The following GPC5 variants were observed in gnomAD, a reference collection of about 807,000 sequenced individuals.
GPC5 encodes glypican 5, also known as glypican-5.
Under a neutral mutation model 53.9 loss-of-function variants are expected in GPC5, and 47 were observed. That is an observed-to-expected ratio of 0.87 (90% confidence interval 0.69 to 1.11). GPC5 has a LOEUF of 1.11. Ranked by LOEUF, GPC5 falls within the 50% of genes most tolerant of loss-of-function variation. The pLI is 0.00. For synonymous variants in GPC5, 286 were observed against 263.3 expected, an observed-to-expected ratio of 1.09 and a Z score of -0.84; for missense variants, 748 against 713.1, an observed-to-expected ratio of 1.05 and a Z score of -0.56.
chr13:91,796,335 T>C (rs550515660), intron 5 of GPC5, among the ~76,000 whole-genome samples: 70 of 152,012 alleles, frequency 4.6e-4, no homozygotes, highest in African/African-American at 1.6e-3. Flanking sequence ...ATCTGGAGGG[T>C]TGGAAGTCAA....
chr13:92,521,842 C>G (rs1203414471), intron 7 of GPC5, among the ~76,000 whole-genome samples: 3 of 152,066 alleles, frequency 2.0e-5, no homozygotes, highest in African/African-American at 7.2e-5. Flanking sequence ...GAACAGGCAA[C>G]TTACAGAATG....
intron 7 of GPC5, among the ~76,000 whole-genome samples, chr13:92,366,235 C>G (rs903318943): frequency 6.6e-6 from 1 of 151,708 alleles, no homozygotes; most frequent in African/African-American, 2.4e-5. Flanking sequence ...GTAGATATTA[C>G]AAAAGACAAC....
chr13:92,039,038 C>G (rs1199530173), intron 6 of GPC5, among the ~76,000 whole-genome samples: 1 of 152,090 alleles, frequency 6.6e-6, no homozygotes, highest in African/African-American at 2.4e-5. Flanking sequence ...TTGAAATTTT[C>G]TATTAAGCAA....
intron 7 of GPC5, among the ~76,000 whole-genome samples, chr13:92,287,343 G>A (rs1383967305): frequency 6.6e-6 from 1 of 152,102 alleles, no homozygotes; most frequent in Admixed American, 6.6e-5. Context: ...TGGTTGTTCT[G>A]TGGCGTGTTC....
At chr13:91,803,524 T>C (rs889812736) in intron 5 of GPC5, among the ~76,000 whole-genome samples, 2 of 152,110 alleles carry the variant, frequency 1.3e-5, no homozygotes, top group African/African-American at 4.8e-5. Flanking sequence ...ACCATAAATT[T>C]CACCATTATA....
At chr13:91,744,792 G>A (rs541743497) in intron 4 of GPC5, among the ~76,000 whole-genome samples, 3 of 152,186 alleles carry the variant, frequency 2.0e-5, no homozygotes, top group South Asian at 2.1e-4. Context: ...TTGCCAAAGA[G>A]GGGAATATTC....
chr13:92,441,222 C>T (rs1371875864), intron 7 of GPC5, among the ~76,000 whole-genome samples: 1 of 152,158 alleles, frequency 6.6e-6, no homozygotes, highest in East Asian at 1.9e-4. Flanking sequence ...GTGTGCACCA[C>T]CACACCTGGC....
intron 6 of GPC5, among the ~76,000 whole-genome samples, chr13:91,926,090 C>G (rs2039764611): frequency 6.6e-6 from 1 of 152,072 alleles, no homozygotes; most frequent in South Asian, 2.1e-4. Flanking sequence ...TAGCCGGGTG[C>G]AGTGGCTCAC....
chr13:92,827,791 C>T (rs1195288160), intron 7 of GPC5, among the ~76,000 whole-genome samples: 2 of 152,124 alleles, frequency 1.3e-5, no homozygotes, highest in Non-Finnish European at 2.9e-5. Flanking sequence ...GGACACAGAA[C>T]ACACCACCAG....
chr13:92,508,668 T>C (rs1880461346), intron 7 of GPC5, among the ~76,000 whole-genome samples: 1 of 152,190 alleles, frequency 6.6e-6, no homozygotes, highest in Admixed American at 6.5e-5. Context: ...ATTAATTCTG[T>C]CTTGAAGTTT....
At chr13:92,190,528 T>G (rs1265712755) in intron 7 of GPC5, among the ~76,000 whole-genome samples, 2 of 152,148 alleles carry the variant, frequency 1.3e-5, no homozygotes, top group Non-Finnish European at 2.9e-5. Flanking sequence ...TATATGCATA[T>G]GTATGCTTAT....
chr13:92,744,696 T>C (rs905822378), intron 7 of GPC5, among the ~76,000 whole-genome samples: 2 of 152,098 alleles, frequency 1.3e-5, no homozygotes, highest in Non-Finnish European at 2.9e-5. Flanking sequence ...ATAACGCTAA[T>C]TGAAAATTTA....
chr13:91,917,735 C>T (rs934629964), intron 6 of GPC5, among the ~76,000 whole-genome samples: 15 of 152,208 alleles, frequency 9.9e-5, no homozygotes, highest in African/African-American at 3.6e-4. Flanking sequence ...ATCACCTTTA[C>T]TCCAGTTCCC....
At chr13:91,806,257 T>C (rs1423891104) in intron 5 of GPC5, among the ~76,000 whole-genome samples, 5 of 151,756 alleles carry the variant, frequency 3.3e-5, no homozygotes, top group Admixed American at 2.6e-4. Flanking sequence ...GCTGGTCTTG[T>C]ACTCGTGAGC....
At chr13:92,810,592 C>T (rs1877258371) in intron 7 of GPC5, among the ~76,000 whole-genome samples, 1 of 151,864 alleles carries the variant, frequency 6.6e-6, no homozygotes, top group Non-Finnish European at 1.5e-5. Context: ...GCAATAACTC[C>T]CCATTCACCC....
At chr13:91,819,943 A>G (rs1380909917) in intron 5 of GPC5, among the ~76,000 whole-genome samples, 1 of 152,172 alleles carries the variant, frequency 6.6e-6, no homozygotes, top group African/African-American at 2.4e-5. Flanking sequence ...GTGAGTTTGA[A>G]GTTATATTTT....
At chr13:92,809,389 A>G (rs1877212483) in intron 7 of GPC5, among the ~76,000 whole-genome samples, 1 of 152,170 alleles carries the variant, frequency 6.6e-6, no homozygotes, top group South Asian at 2.1e-4. Context: ...ATGCTCACTA[A>G]CAGTACATGA....
At chr13:92,830,104 C>T (rs904654277) in intron 7 of GPC5, among the ~76,000 whole-genome samples, 1 of 152,114 alleles carries the variant, frequency 6.6e-6, no homozygotes, top group Non-Finnish European at 1.5e-5. Context: ...CTGTTTCTAA[C>T]TGAATATGCA....
At chr13:91,786,266 A>G (rs1327376254) in intron 5 of GPC5, among the ~76,000 whole-genome samples, 3 of 152,170 alleles carry the variant, frequency 2.0e-5, no homozygotes, top group African/African-American at 7.2e-5. Flanking sequence ...AAGTGCTGGG[A>G]TTACAGGCGT....
Sources: allele counts gnomAD v4.1 joint callset (sites outside exome capture counted in the v4.1 genomes callset), GRCh38; gene constraint gnomAD v4.1.1; transcripts MANE v1.5; gene names NCBI Gene and HGNC (gene_info 2026-07-23, HGNC 2026-07-21).